Variants in SH3YL1 observed in about 807,000 individuals in gnomAD.
SH3YL1 encodes SH3 domain-containing YSC84-like protein 1.
A neutral mutation model predicts 45.8 loss-of-function variants in SH3YL1; 41 were observed. The ratio of observed to expected loss-of-function variants is 0.89; its 90% CI spans 0.70 to 1.16. The LOEUF is 1.16. SH3YL1 is among the 50% of genes most tolerant of loss of function. The pLI, the probability that SH3YL1 is intolerant of heterozygous loss-of-function variation, is 0.00. For missense variants in SH3YL1, 389 were observed against 409.6 expected, an observed-to-expected ratio of 0.95 and a Z score of 0.43; for synonymous variants, 152 against 151.4, an observed-to-expected ratio of 1.00 and a Z score of -0.03.
chr2:227,767 A>T (rs900470525), intron 8 of SH3YL1, among the ~76,000 whole-genome samples: 5 of 152,120 alleles, frequency 3.3e-5, no homozygotes, highest in African/African-American at 1.2e-4. Context: ...GGGTAGAGGA[A>T]GGTATCTTGA....
chr2:261,689 G>A (rs558825394), intron 1 of SH3YL1, among the ~76,000 whole-genome samples: 1 of 152,284 alleles, frequency 6.6e-6, no homozygotes, highest in East Asian at 1.9e-4. Flanking sequence ...ATCCTACTCG[G>A]AGTAAATTGC....
intron 8 of SH3YL1, among the ~76,000 whole-genome samples, chr2:228,817 C>A (rs1021878039): frequency 1.3e-5 from 2 of 152,068 alleles, no homozygotes; most frequent in African/African-American, 4.8e-5. Context: ...AAAGGCACAG[C>A]CAAGAATCAT....
At chr2:234,628 T>C (rs1558239233) in intron 4 of SH3YL1, among the ~76,000 whole-genome samples, 2 of 151,970 alleles carry the variant, frequency 1.3e-5, no homozygotes, top group African/African-American at 4.8e-5. Context: ...ACAAAGGTTG[T>C]TGGAAGGGAT....
intron 4 of SH3YL1, among the ~76,000 whole-genome samples, chr2:246,648 AT>A (rs1668826516): frequency 6.6e-6 from 1 of 152,052 alleles, no homozygotes; most frequent in Admixed American, 6.6e-5. Flanking sequence ...GGAAGCCACA[AT>A]CACTGATGAA....
At chr2:247,514 T>C (rs905108265) in intron 4 of SH3YL1, 24 bp downstream of exon 4, 1 of 1,543,448 alleles carries the variant, frequency 6.5e-7, no homozygotes, top group African/African-American at 1.4e-5. Context: ...ATGGCAGTTG[T>C]ATGGACGTGC....
intron 4 of SH3YL1, among the ~76,000 whole-genome samples, chr2:237,137 AT>A (rs3838490): frequency 0.91 from 138,389 of 151,564 alleles, 63,299 homozygotes; most frequent in African/African-American, 0.97. Flanking sequence ...TGCTTCCCAC[AT>A]TTCCCACTCG....
intron 4 of SH3YL1, among the ~76,000 whole-genome samples, chr2:237,157 A>T (rs1310254035): frequency 6.6e-6 from 1 of 151,976 alleles, no homozygotes; most frequent in Non-Finnish European, 1.5e-5. Context: ...CGGAAAATAC[A>T]AAGTACTACC....
intron 9 of SH3YL1, among the ~76,000 whole-genome samples, chr2:222,144 C>A (rs1005077153): frequency 6.6e-6 from 1 of 152,116 alleles, no homozygotes; most frequent in Non-Finnish European, 1.5e-5. Flanking sequence ...CTTAAAAAAT[C>A]GGAAGGATCT....
chr2:220,245 A>G (rs1392144957), intron 9 of SH3YL1, among the ~76,000 whole-genome samples: 1 of 151,764 alleles, frequency 6.6e-6, no homozygotes, highest in East Asian at 1.9e-4. Flanking sequence ...AAGAAATAAA[A>G]ATAGTCAACA....
intron 1 of SH3YL1, among the ~76,000 whole-genome samples, chr2:257,954 A>G (rs570667900): frequency 6.6e-6 from 1 of 152,168 alleles, no homozygotes; most frequent in Non-Finnish European, 1.5e-5. Flanking sequence ...GTCAAATATC[A>G]GATGATTGTA....
intron 2 of SH3YL1, 37 bp from the exon 3 acceptor site, chr2:249,881 T>C: frequency 7.3e-7 from 1 of 1,373,226 alleles, no homozygotes; most frequent in Non-Finnish European, 1.0e-6. Context: ...GTAAGCATTT[T>C]GATCTATGTG....
intron 8 of SH3YL1, among the ~76,000 whole-genome samples, chr2:226,602 G>A (rs1338180756): frequency 6.6e-6 from 1 of 152,156 alleles, no homozygotes; most frequent in African/African-American, 2.4e-5. Context: ...TGCACTTGGT[G>A]GGGAATGTAG....
intron 1 of SH3YL1, among the ~76,000 whole-genome samples, chr2:254,927 C>T (rs917888363): frequency 6.6e-5 from 10 of 152,322 alleles, no homozygotes; most frequent in Admixed American, 1.3e-4. Flanking sequence ...AACTGTTTGT[C>T]TTCTATCTAT....
At chr2:222,134 C>T (rs1262716906) in intron 9 of SH3YL1, among the ~76,000 whole-genome samples, 1 of 152,172 alleles carries the variant, frequency 6.6e-6, no homozygotes. Context: ...TACTCATGTA[C>T]TTAAAAAATC....
chr2:234,407 G>C (rs1329066851), intron 4 of SH3YL1, 135 bp from the exon 5 acceptor site: 2 of 615,714 alleles, frequency 3.2e-6, no homozygotes, highest in East Asian at 5.9e-5. Context: ...CGTGAGACAA[G>C]AGCCATATTT....
chr2:234,213 G>C lies in SH3YL1; in HGVS notation c.351C>G (p.Gly117=). ...AGTTCCCTCCGAGGGTCAGATTTCCGCCTTTTGCAAAAGCTTCTACAGCAC... is the reference window on the plus strand; with the variant it reads ...AGTTCCCTCCGAGGGTCAGATTTCCCCCTTTTGCAAAAGCTTCTACAGCAC... ...YDRAVEAFAK[G]GNLTLGGNLT... The change falls in exon 5 of 10, where the codon GGC becomes GGG. Residue 117 remains glycine (G), a synonymous_variant. Transcript: ENST00000356150. 1 of 1,613,996 alleles carries C rather than the reference G, an allele frequency of 6.2e-7. No individual in the cohort carries two copies. Among genetic ancestry groups the C allele is most frequent in the Non-Finnish European group, 8.5e-7 (1 of 1,179,978 alleles).
upstream of SH3YL1, chr2:264,677 C>T (rs1425801719): frequency 5.2e-6 from 2 of 383,552 alleles, no homozygotes; most frequent in Non-Finnish European, 9.4e-6. Context: ...GACCCCACCC[C>T]CGCAGCTCCT....
upstream of SH3YL1, chr2:264,654 A>G: frequency 8.0e-6 from 1 of 125,198 alleles, no homozygotes. Context: ...CCGCGGCCCT[A>G]CTCCCTCCAG....
At chr2:219,094 G>C (rs1272246348) in intron 9 of SH3YL1, 93 bp from the exon 10 acceptor site, 3 of 983,270 alleles carry the variant, frequency 3.1e-6, no homozygotes, top group Non-Finnish European at 4.4e-6. Flanking sequence ...CTTAGGGCTT[G>C]GCATGCTGAT....
Sources: gnomAD v4.1 joint callset for allele counts (sites outside exome capture counted in the v4.1 genomes callset) on GRCh38, gnomAD v4.1.1 for gene constraint, MANE v1.5 for transcripts, NCBI Gene and HGNC (gene_info 2026-07-23, HGNC 2026-07-21) for gene names.